The following NXPH1 variants were observed in gnomAD, a reference collection of about 807,000 sequenced individuals.
NXPH1 encodes the protein neurexophilin-1.
Under a neutral mutation model 23.7 loss-of-function variants are expected in NXPH1, and 5 were observed. That is an observed-to-expected ratio of 0.21 (90% CI 0.11 to 0.44). The LOEUF (loss-of-function observed/expected upper bound fraction) is 0.44, where lower values mean the gene tolerates loss of function less well. Among genes scored for constraint, NXPH1 ranks in the 20% least tolerant of loss-of-function variants. The pLI is 0.99. For synonymous variants in NXPH1, 144 were observed against 122.2 expected, an observed-to-expected ratio of 1.18 and a Z score of -1.18; for missense variants, 324 against 321.6, an observed-to-expected ratio of 1.01 and a Z score of -0.06.
At chr7:8,621,931 G>A (rs1453324332) in intron 2 of NXPH1, among the ~76,000 whole-genome samples, 2 of 152,180 alleles carry the variant, frequency 1.3e-5, no homozygotes, top group African/African-American at 4.8e-5. Flanking sequence ...AGACCGTGCA[G>A]TTGCTCTGGC....
In NXPH1 at chr7:8,497,205, G is replaced by T. The variant is rs142048988; in HGVS notation, c.54+61438G>T. ...AGAACATGAACTCATCCTTTATTAC[G>T]GCTGCATAGTATTCCATGGTGTATA... is the stretch of plus-strand genomic sequence containing the variant. On this transcript the variant is annotated intron_variant, in intron 2 of 2. Transcript: ENST00000405863. Among the ~76,000 whole-genome samples, 1,407 of 152,144 alleles carry T rather than the reference G, an allele frequency of 9.2e-3. 22 individuals are homozygous for T. Among genetic ancestry groups the T allele is most frequent in the African/African-American group, 0.032 (1,314 of 41,498 alleles).
intron 2 of NXPH1, among the ~76,000 whole-genome samples, chr7:8,621,870 C>G (rs1263122536): frequency 1.3e-5 from 2 of 152,056 alleles, no homozygotes; most frequent in Admixed American, 1.3e-4. Flanking sequence ...ACCTACCAAC[C>G]AACCCTGTAA....
intron 2 of NXPH1, among the ~76,000 whole-genome samples, chr7:8,592,075 A>G (rs1185638900): frequency 6.6e-6 from 1 of 151,982 alleles, no homozygotes; most frequent in African/African-American, 2.4e-5. Flanking sequence ...GATTGTCAAA[A>G]GTTGTCATCT....
At chr7:8,552,579 G>T (rs1326080104) in intron 2 of NXPH1, among the ~76,000 whole-genome samples, 2 of 151,448 alleles carry the variant, frequency 1.3e-5, no homozygotes, top group East Asian at 2.0e-4. Flanking sequence ...TTAACCTTGT[G>T]CTGTGTAGAG....
intron 2 of NXPH1, among the ~76,000 whole-genome samples, chr7:8,698,386 TA>T (rs1464644735): frequency 5.9e-5 from 9 of 152,218 alleles, no homozygotes; most frequent in African/African-American, 2.2e-4. Context: ...ACTATAACAA[TA>T]ACTATTCACC....
At chr7:8,672,722 A>G (rs1442469672) in intron 2 of NXPH1, among the ~76,000 whole-genome samples, 4 of 152,198 alleles carry the variant, frequency 2.6e-5, no homozygotes, top group Non-Finnish European at 5.9e-5. Context: ...AGTGGTTTCA[A>G]CTTATACGAA....
At chr7:8,631,566 T>C (rs79364231) in intron 2 of NXPH1, among the ~76,000 whole-genome samples, 2 of 150,052 alleles carry the variant, frequency 1.3e-5, no homozygotes, top group African/African-American at 2.5e-5. Flanking sequence ...GGTTTTTTTT[T>C]CTAGTATGGT....
rs1816431381 is a variant in NXPH1 at position 8,447,799 on chromosome 7, C to T, written c.54+12032C>T. On this transcript the variant is annotated intron_variant, in intron 2 of 2. Coordinates refer to ENST00000405863, the MANE Select transcript of NXPH1 (RefSeq NM_152745.3). ...GCATTTGCACAGATTGATGGATTCC[C>T]CCCCACCCTTGATGTTCCTCGAACA... Among the ~76,000 whole-genome samples, 3 of 152,178 alleles carry T rather than the reference C, an allele frequency of 2.0e-5. No individual in the cohort carries two copies. In the South Asian group the frequency reaches 6.2e-4, roughly 32 times the overall value.
At position 8,552,704 on chromosome 7, in the gene NXPH1, A is replaced by T. The variant is rs74832264; in HGVS notation, c.54+116937A>T. 3.6e-3 allele frequency among the ~76,000 whole-genome samples: 550 copies of T among 150,786 alleles called. 5 individuals carry two copies. The highest frequency in any genetic ancestry group is 0.013 in the African/African-American group (541 of 40,660). ...GATGCGAAGGCACAGAAAAATACTCAGTTTGTTTTGGTTTTCATGTTTGCA... is the reference window on the plus strand; with the variant it reads ...GATGCGAAGGCACAGAAAAATACTCTGTTTGTTTTGGTTTTCATGTTTGCA... On this transcript the variant is annotated intron_variant, in intron 2 of 2. Coordinates refer to ENST00000405863, the MANE Select transcript of NXPH1 (RefSeq NM_152745.3).
At chr7:8,568,667 CT>C (rs1818590892) in intron 2 of NXPH1, among the ~76,000 whole-genome samples, 1 of 149,808 alleles carries the variant, frequency 6.7e-6, no homozygotes, top group Non-Finnish European at 1.5e-5. Flanking sequence ...AAAAAAAATT[CT>C]CATTTCAACA....
intron 2 of NXPH1, among the ~76,000 whole-genome samples, chr7:8,748,453 G>C (rs1780509189): frequency 6.6e-6 from 1 of 152,212 alleles, no homozygotes; most frequent in Admixed American, 6.5e-5. Context: ...CTCCACAGCA[G>C]GGTGTTTGCT....
chr7:8,715,901 A>G (rs944561228), intron 2 of NXPH1, among the ~76,000 whole-genome samples: 4 of 152,114 alleles, frequency 2.6e-5, no homozygotes, highest in African/African-American at 9.7e-5. Context: ...ATAAAACATT[A>G]TATGTGTGTG....
At chr7:8,457,777 G>A (rs946524817) in intron 2 of NXPH1, among the ~76,000 whole-genome samples, 8 of 152,068 alleles carry the variant, frequency 5.3e-5, no homozygotes, top group African/African-American at 1.9e-4. Flanking sequence ...TGGAGGCTAT[G>A]TGTGTATATT....
chr7:8,623,993 T>C (rs1196259585), intron 2 of NXPH1, among the ~76,000 whole-genome samples: 1 of 152,188 alleles, frequency 6.6e-6, no homozygotes, highest in Admixed American at 6.6e-5. Flanking sequence ...AGCAACGTGC[T>C]ATTCTTATAA....
At chr7:8,750,841 G>T (rs1780550998) in intron 2 of NXPH1, among the ~76,000 whole-genome samples, 167 bp from the exon 3 acceptor site, 1 of 152,108 alleles carries the variant, frequency 6.6e-6, no homozygotes, top group Non-Finnish European at 1.5e-5. Flanking sequence ...CTGAGACTCT[G>T]GGAGAGGGGG....
intron 2 of NXPH1, among the ~76,000 whole-genome samples, chr7:8,725,910 T>C (rs7779855): frequency 0.17 from 26,591 of 152,044 alleles, 2,415 homozygotes; most frequent in Admixed American, 0.22. Flanking sequence ...CTAGAAGGGT[T>C]TTTGAATCAA....
intron 2 of NXPH1, among the ~76,000 whole-genome samples, chr7:8,561,383 C>CACACACACACACAT (rs1554256950): frequency 6.8e-6 from 1 of 147,116 alleles, no homozygotes; most frequent in African/African-American, 2.5e-5. Context: ...CACACACACA[C>CACACACACACACAT]CTCTCTCTCT....
chr7:8,441,644 C>A (rs918550762), intron 2 of NXPH1, among the ~76,000 whole-genome samples: 8 of 152,118 alleles, frequency 5.3e-5, no homozygotes, highest in Non-Finnish European at 1.2e-4. Flanking sequence ...GAAATGCCAA[C>A]CCAGATCAGA....
chr7:8,680,718 T>C (rs932833475), intron 2 of NXPH1, among the ~76,000 whole-genome samples: 1 of 152,048 alleles, frequency 6.6e-6, no homozygotes, highest in African/African-American at 2.4e-5. Flanking sequence ...ATTCATGTAA[T>C]ACCAAGGATC....
Sources: gnomAD v4.1 joint callset for allele counts (sites outside exome capture counted in the v4.1 genomes callset) on GRCh38, gnomAD v4.1.1 for gene constraint, MANE v1.5 for transcripts, NCBI Gene and HGNC (gene_info 2026-07-23, HGNC 2026-07-21) for gene names.